NEK7: variants seen among roughly 807,000 people sequenced by gnomAD.
NEK7 encodes the protein serine/threonine-protein kinase Nek7.
In NEK7, 18 loss-of-function variants were observed where a neutral mutation model predicts 44.6. The ratio of observed to expected loss-of-function variants is 0.40; its 90% confidence interval spans 0.28 to 0.60. The LOEUF (loss-of-function observed/expected upper bound fraction) is 0.60, where lower values mean the gene tolerates loss of function less well. Among genes scored for constraint, NEK7 ranks in the 20% least tolerant of loss-of-function variants. NEK7 has a pLI of 0.38. For missense variants in NEK7, 256 were observed against 366.5 expected (o/e 0.70, Z 2.46); for synonymous variants, 130 against 121.1 (o/e 1.07, Z -0.48).
At chr1:198,263,258 AG>A (rs1412575011) in intron 4 of NEK7, among the ~76,000 whole-genome samples, 5 of 151,902 alleles carry the variant, frequency 3.3e-5, no homozygotes, top group African/African-American at 1.2e-4. Flanking sequence ...CGTTTGTGTT[AG>A]TGCCTAAAAT....
At chr1:198,187,873 G>A (rs1664967071) in intron 1 of NEK7, among the ~76,000 whole-genome samples, 1 of 152,164 alleles carries the variant, frequency 6.6e-6, no homozygotes, top group Non-Finnish European at 1.5e-5. Flanking sequence ...TTATGTAATG[G>A]AGGCAATGAA....
At chr1:198,160,027 A>G (rs1664055430) in intron 1 of NEK7, among the ~76,000 whole-genome samples, 1 of 151,922 alleles carries the variant, frequency 6.6e-6, no homozygotes, top group Non-Finnish European at 1.5e-5. Context: ...TTTCCCCTCA[A>G]TTATTGCGCA....
At chr1:198,280,176 C>T (rs1228593871) in intron 7 of NEK7, among the ~76,000 whole-genome samples, 4 of 151,980 alleles carry the variant, frequency 2.6e-5, no homozygotes, top group Admixed American at 1.3e-4. Context: ...TTGCCCAGCA[C>T]TTTAATAAAG....
intron 1 of NEK7, among the ~76,000 whole-genome samples, chr1:198,186,816 A>C (rs903413461): frequency 6.6e-6 from 1 of 152,166 alleles, no homozygotes; most frequent in East Asian, 1.9e-4. Context: ...TCAACCATGT[A>C]CCCTAGGATT....
intron 1 of NEK7, among the ~76,000 whole-genome samples, chr1:198,159,286 G>T (rs1331884523): frequency 8.5e-5 from 13 of 152,098 alleles, no homozygotes; most frequent in Admixed American, 7.2e-4. Context: ...CTGAGGGCCA[G>T]CCTGGAGAAA....
intron 1 of NEK7, among the ~76,000 whole-genome samples, chr1:198,213,072 G>T (rs1044068840): frequency 2.0e-5 from 3 of 152,196 alleles, no homozygotes; most frequent in African/African-American, 7.2e-5. Context: ...GGTACCCACT[G>T]CTGGGAGACT....
At chr1:198,218,442 A>G (rs916274178) in intron 1 of NEK7, among the ~76,000 whole-genome samples, 13 of 152,044 alleles carry the variant, frequency 8.6e-5, no homozygotes, top group Admixed American at 8.5e-4. Context: ...AAAGATTTAA[A>G]TCCAAGACCT....
chr1:198,183,294 G>A lies in NEK7; in HGVS notation c.-29+26018G>A, dbSNP rs150694331. 1.7e-3 allele frequency among the ~76,000 whole-genome samples: 264 copies of A among 152,232 alleles called. 3 individuals carry two copies. The highest frequency in any genetic ancestry group is 6.2e-3 in the African/African-American group (258 of 41,538). On this transcript the variant is annotated intron_variant, in intron 1 of 9. Coordinates refer to ENST00000367385, the MANE Select transcript of NEK7 (RefSeq NM_133494.3). Reference sequence around the variant, plus strand: ...TACTACTACTTCCACTAGGCCATGAGCTCTTTAATGGAACCATTCTGAGTA... The same window carrying A: ...TACTACTACTTCCACTAGGCCATGAACTCTTTAATGGAACCATTCTGAGTA...
intron 1 of NEK7, among the ~76,000 whole-genome samples, chr1:198,184,882 G>T (rs1664872241): frequency 6.6e-6 from 1 of 151,796 alleles, no homozygotes; most frequent in Non-Finnish European, 1.5e-5. Flanking sequence ...TAGTTAGTTA[G>T]TTAGTTAGTA....
chr1:198,276,417 A>G (rs1654020266), intron 5 of NEK7, among the ~76,000 whole-genome samples: 1 of 151,686 alleles, frequency 6.6e-6, no homozygotes, highest in Admixed American at 6.6e-5. Context: ...ATCCAGCATC[A>G]GGGAGAGCAC....
intron 9 of NEK7, among the ~76,000 whole-genome samples, chr1:198,297,852 G>A (rs72731936): frequency 0.044 from 6,672 of 152,276 alleles, 228 homozygotes; most frequent in Middle Eastern, 0.065. Context: ...AAGTGTGTTA[G>A]TTGTGGCTGA....
intron 1 of NEK7, among the ~76,000 whole-genome samples, chr1:198,219,135 A>C (rs186131484): frequency 6.6e-6 from 1 of 151,876 alleles, no homozygotes; most frequent in East Asian, 1.9e-4. Context: ...ACAATTTATA[A>C]TTGCAAAGAA....
chr1:198,299,571 T>A (rs1654820481), intron 9 of NEK7, among the ~76,000 whole-genome samples: 1 of 152,224 alleles, frequency 6.6e-6, no homozygotes, highest in Non-Finnish European at 1.5e-5. Flanking sequence ...TTTATTTTGT[T>A]AATTTTATAG....
chr1:198,186,882 A>C (rs1664941329), intron 1 of NEK7, among the ~76,000 whole-genome samples: 1 of 152,200 alleles, frequency 6.6e-6, no homozygotes, highest in Admixed American at 6.5e-5. Flanking sequence ...ATTATTTCAG[A>C]TAATCATTTA....
At chr1:198,259,730 A>G (rs1205957603) in intron 3 of NEK7, among the ~76,000 whole-genome samples, 1 of 152,026 alleles carries the variant, frequency 6.6e-6, no homozygotes, top group Non-Finnish European at 1.5e-5. Flanking sequence ...CCTTTGGGGG[A>G]ATGAATGGCA....
intron 2 of NEK7, among the ~76,000 whole-genome samples, chr1:198,251,830 C>T (rs1653008766): frequency 6.6e-6 from 1 of 152,080 alleles, no homozygotes; most frequent in Non-Finnish European, 1.5e-5. Flanking sequence ...AAACCAGCTC[C>T]TGGATTCATT....
intron 1 of NEK7, among the ~76,000 whole-genome samples, chr1:198,207,509 A>G (rs1029489438): frequency 6.6e-6 from 1 of 152,186 alleles, no homozygotes; most frequent in East Asian, 1.9e-4. Context: ...CGTCCATTCA[A>G]TGGAGTAGTA....
chr1:198,190,116 T>G (rs1314903160), intron 1 of NEK7, among the ~76,000 whole-genome samples: 11 of 152,144 alleles, frequency 7.2e-5, no homozygotes, highest in Admixed American at 7.2e-4. Flanking sequence ...ACTGCCACAT[T>G]AAGTTTTCTG....
At chr1:198,197,068 C>G (rs1665262424) in intron 1 of NEK7, among the ~76,000 whole-genome samples, 1 of 152,146 alleles carries the variant, frequency 6.6e-6, no homozygotes, top group African/African-American at 2.4e-5. Context: ...TGAAGATTAT[C>G]ATGAGAATTA....
Sources: allele counts gnomAD v4.1 joint callset (sites outside exome capture counted in the v4.1 genomes callset), GRCh38; gene constraint gnomAD v4.1.1; transcripts MANE v1.5; gene names NCBI Gene and HGNC (gene_info 2026-07-23, HGNC 2026-07-21).